Variants in TERF1 observed in about 807,000 individuals in gnomAD.
TERF1 encodes the protein telomeric repeat-binding factor 1.
In TERF1, 20 loss-of-function variants were observed where a neutral mutation model predicts 55.1. The ratio of observed to expected loss-of-function variants is 0.36; its 90% CI spans 0.26 to 0.53. The LOEUF (loss-of-function observed/expected upper bound fraction) is 0.53. TERF1 is among the 20% of genes least tolerant of loss of function. The pLI is 0.91. For missense variants in TERF1, 439 were observed against 535.7 expected, an observed-to-expected ratio of 0.82 and a Z score of 1.78; for synonymous variants, 168 against 181.2, an observed-to-expected ratio of 0.93 and a Z score of 0.59.
chr8:73,042,869 T>A (rs931118764), intron 9 of TERF1: 1 of 152,178 alleles, frequency 6.6e-6, no homozygotes, highest in African/African-American at 2.4e-5. Flanking sequence ...TATTTGATTT[T>A]TTGAGAAAAT....
chr8:73,022,123 G>A (rs1317052792), intron 3 of TERF1, 93 bp from the exon 4 acceptor site: 1 of 693,808 alleles, frequency 1.4e-6, no homozygotes, highest in East Asian at 3.1e-5. Flanking sequence ...GTTCTCAACA[G>A]AGGATTTCAG....
Position 73,030,340 on chromosome 8 carries a change from A to G in TERF1, c.892A>G (p.Ser298Gly). The change falls in exon 7 of 10, where the codon AGT (serine) becomes GGT (glycine). Residue 298 changes from serine to glycine, a missense_variant. Around this residue, in one of 4 missense-constraint regions of TERF1, gnomAD observed 140 missense variants for 158.6 expected, o/e 0.88. Coordinates refer to ENST00000276603, the MANE Select transcript of TERF1 (RefSeq NM_017489.3). ...AAATTTTTTCTTCTTTTAAAGTGTT[A>G]GTGACAAACAGTCTGCGGTAACTGA... ...EANLDTRKSV[S>G]DKQSAVTESS... 6.5e-7 allele frequency: 1 copy of G among 1,530,958 alleles called. No homozygotes were observed. Among genetic ancestry groups the G allele is most frequent in the Non-Finnish European group, 8.7e-7 (1 of 1,149,356 alleles). 94.8% of individuals were successfully genotyped at this position (1,530,958 alleles called of 1,614,324 possible).
rs567500819 is a variant in TERF1, at chr8:73,027,823, C to G, written c.887+771C>G. Among the ~76,000 whole-genome samples the G allele has an allele frequency of 1.2e-4, 18 of 152,190 alleles. No homozygotes were observed. The South Asian group carries it at 3.7e-3, about 32-fold the overall frequency. On this transcript the variant is annotated intron_variant, in intron 6 of 9. Coordinates refer to ENST00000276603, the MANE Select transcript of TERF1 (RefSeq NM_017489.3). ...GACCTAAGTGTTGCAGGGACCCCAT[C>G]TTAACTACTTATTTAGAGGTGGAGA...
chr8:73,032,559 C>T (rs954590398), intron 8 of TERF1, among the ~76,000 whole-genome samples: 7 of 149,410 alleles, frequency 4.7e-5, no homozygotes, highest in African/African-American at 1.5e-4. Flanking sequence ...TACTGGGAAC[C>T]GTGGGTTTTC....
chr8:73,011,024 C>T (rs1808259416), intron 1 of TERF1: 1 of 152,190 alleles, frequency 6.6e-6, no homozygotes, highest in African/African-American at 2.4e-5. Context: ...GCACTGTCAT[C>T]TTGTTCCATT....
At chr8:73,037,886 G>GATATA (rs1330945574) in intron 8 of TERF1, among the ~76,000 whole-genome samples, 4 of 106,666 alleles carry the variant, frequency 3.8e-5, no homozygotes, top group Admixed American at 1.3e-4. Context: ...ATATAAATAT[G>GATATA]ATATATAATA....
In TERF1 at chr8:73,046,304, G is replaced by A. The variant is rs1220270097; in HGVS notation, c.*167G>A. On this transcript the variant is annotated 3_prime_UTR_variant, in exon 10 of 10. Coordinates refer to ENST00000276603, the MANE Select transcript of TERF1 (RefSeq NM_017489.3). ...TTGTGCTACCAGAGTTAAAGCATAT[G>A]CTATCATTGTATTCTTTAAGAACCT... is the stretch of plus-strand genomic sequence containing the variant. The A allele has an allele frequency of 2.2e-6, 1 of 464,844 alleles. No homozygotes were observed. The highest frequency in any genetic ancestry group is 2.0e-5 in the African/African-American group (1 of 49,154). 28.8% of individuals were successfully genotyped at this position (464,844 alleles called of 1,614,324 possible). A position where few individuals can be genotyped will look rare whatever the true frequency, so the allele number is the denominator to read the frequency against.
At chr8:73,040,087 T>C (rs1026343318) in intron 9 of TERF1, among the ~76,000 whole-genome samples, 1 of 148,372 alleles carries the variant, frequency 6.7e-6, no homozygotes, top group Non-Finnish European at 1.5e-5. Flanking sequence ...CTACTCGGAA[T>C]ATCTTCTGTG....
intron 2 of TERF1, among the ~76,000 whole-genome samples, chr8:73,015,518 A>G (rs916843311): frequency 3.9e-5 from 6 of 151,966 alleles, no homozygotes; most frequent in Non-Finnish European, 8.8e-5. Flanking sequence ...CCTAGGCAAC[A>G]TAGCGAGACC....
In TERF1 at chr8:73,020,765, A is replaced by G; in HGVS notation, c.497A>G (p.Asp166Gly). 2.0e-6 allele frequency: 3 copies of G among 1,508,846 alleles called. No individual in the cohort carries two copies. Among genetic ancestry groups the G allele is most frequent in the Non-Finnish European group, 1.8e-6 (2 of 1,090,908 alleles). The allele number at this position is 1,508,846 out of a possible 1,614,324, so 93.5% of individuals were successfully genotyped here. Residue 166 changes from aspartate to glycine, a missense_variant, in exon 3 of 10, where the codon GAC becomes GGC. By Grantham distance (94) the Asp-to-Gly change is moderately conservative (BLOSUM62 -1). This residue lies in a region of TERF1 where 95 missense variants were observed against 167.2 expected (regional missense o/e 0.57). Coordinates refer to ENST00000276603, the MANE Select transcript of TERF1 (RefSeq NM_017489.3). ...TGGGGTTCAATTGAAAAGGAACATGACAAACTTCATGAAGAAATACAGAAT... is the reference window on the plus strand; with the variant it reads ...TGGGGTTCAATTGAAAAGGAACATGGCAAACTTCATGAAGAAATACAGAAT... ...MIWGSIEKEH[D>G]KLHEEIQNLI...
intron 2 of TERF1, among the ~76,000 whole-genome samples, chr8:73,015,769 G>T (rs1808477703): frequency 6.6e-6 from 1 of 152,188 alleles, no homozygotes; most frequent in African/African-American, 2.4e-5. Context: ...TGAGGCTGTG[G>T]TTAGCTGTGA....
chr8:73,023,947 G>GA (rs2129787942), intron 4 of TERF1, among the ~76,000 whole-genome samples: 1 of 152,246 alleles, frequency 6.6e-6, no homozygotes, highest in East Asian at 1.9e-4. Context: ...CAATACCTTA[G>GA]AATAGCTGGT....
intron 8 of TERF1, 43 bp downstream of exon 8, chr8:73,032,176 G>A: frequency 7.2e-7 from 1 of 1,388,132 alleles, no homozygotes; most frequent in Non-Finnish European, 1.0e-6. Flanking sequence ...GAATTGATGT[G>A]TCCTCAAACA....
rs753496443 is a variant in TERF1, at chr8:73,046,054, A to T, written c.1237A>T (p.Asn413Tyr). ...TAAAATACTGTTGCATTATAAATTCAACAACCGGACAAGTGTCATGTTAAA... is the reference window on the plus strand; with the variant it reads ...TAAAATACTGTTGCATTATAAATTCTACAACCGGACAAGTGTCATGTTAAA... ...WSKILLHYKF[N>Y]NRTSVMLKDR... Residue 413 changes from asparagine (N) to tyrosine (Y), a missense_variant, in exon 10 of 10, where the codon AAC (asparagine) becomes TAC (tyrosine). Around this residue, in one of 4 missense-constraint regions of TERF1, gnomAD observed 25 missense variants for 57.3 expected, o/e 0.44. Transcript: ENST00000276603. 10 of 1,611,428 alleles carry T rather than the reference A, an allele frequency of 6.2e-6. No homozygotes were observed. The East Asian group carries it at 1.8e-4, about 29-fold the overall frequency.
At chr8:73,022,139 C>T (rs1808788427) in intron 3 of TERF1, 77 bp from the exon 4 acceptor site, 1 of 845,134 alleles carries the variant, frequency 1.2e-6, no homozygotes, top group East Asian at 2.9e-5. Flanking sequence ...TTCAGACTTA[C>T]CTGAGTTATC....
Position 73,047,391 on chromosome 8 carries a change from C to T in TERF1, c.*1254C>T, listed in dbSNP as rs1810085995. 6.6e-6 allele frequency: 1 copy of T among 151,826 alleles called. No homozygotes were observed. Among genetic ancestry groups the T allele is most frequent in the Non-Finnish European group, 1.5e-5 (1 of 67,974 alleles). 9.4% of individuals were successfully genotyped at this position (151,826 alleles called of 1,614,324 possible). A position where few individuals can be genotyped will look rare whatever the true frequency, so the allele number is the denominator to read the frequency against. ...TCTCTGATACCTTCATTTAATATATCAATATTGGGCCTAAAACAGTATTCT... is the reference window on the plus strand; with the variant it reads ...TCTCTGATACCTTCATTTAATATATTAATATTGGGCCTAAAACAGTATTCT... On this transcript the variant is annotated 3_prime_UTR_variant, in exon 10 of 10. Transcript: ENST00000276603.
chr8:73,026,509 A>G (rs982161233), intron 5 of TERF1, among the ~76,000 whole-genome samples: 2 of 152,220 alleles, frequency 1.3e-5, no homozygotes, highest in African/African-American at 4.8e-5. Flanking sequence ...CAAAACAAAC[A>G]ACAATAAAAT....
intron 1 of TERF1, chr8:73,013,692 A>G (rs757407786): frequency 2.5e-5 from 13 of 519,014 alleles, no homozygotes; most frequent in South Asian, 1.4e-4. Flanking sequence ...TTTTTATTCT[A>G]CATGTGAAAG....
At chr8:73,010,818 A>G (rs1808250924) in intron 1 of TERF1, 1 of 152,250 alleles carries the variant, frequency 6.6e-6, no homozygotes. Flanking sequence ...CAATAGATAC[A>G]TGGGATGCAG....
Sources: allele counts gnomAD v4.1 joint callset (sites outside exome capture counted in the v4.1 genomes callset), GRCh38; gene constraint gnomAD v4.1.1; regional missense constraint gnomAD v4.1.1; transcripts MANE v1.5; gene names NCBI Gene and HGNC (gene_info 2026-07-23, HGNC 2026-07-21).